Variants in MVD observed in about 807,000 individuals in gnomAD.
MVD encodes mevalonate diphosphate decarboxylase.
A neutral mutation model predicts 42.4 loss-of-function variants in MVD; 52 were observed. The ratio of observed to expected loss-of-function variants is 1.23; its 90% CI spans 0.98 to 1.55. The LOEUF (loss-of-function observed/expected upper bound fraction) is 1.55, where lower values mean the gene tolerates loss of function less well. Among genes scored for constraint, MVD ranks in the 40% most tolerant of loss-of-function variants. The probability of loss-of-function intolerance (pLI) is 0.00; values close to 1 mark genes in which losing one functional copy is unlikely to be tolerated. For missense variants in MVD, 663 were observed against 572.1 expected, an observed-to-expected ratio of 1.16 and a Z score of -1.62; for synonymous variants, 287 against 243.2, an observed-to-expected ratio of 1.18 and a Z score of -1.68.
intron 1 of MVD, among the ~76,000 whole-genome samples, chr16:88,659,532 G>A (rs1171593627): frequency 1.3e-5 from 2 of 152,220 alleles, no homozygotes; most frequent in Non-Finnish European, 2.9e-5. Flanking sequence ...ACGGGTGACA[G>A]AGGGCGGCTG....
rs1907828020 is a variant in MVD, at chr16:88,655,196, C to T, written c.897+3G>A. On this transcript the variant is annotated splice_donor_region_variant and intron_variant, in intron 7 of 9. Transcript: ENST00000301012. ...CAGCCTCTGCCCTCCCGGCCCGCGT[C>T]ACCTTGGTGTCCCCGTGGTGGGCGT... is the stretch of plus-strand genomic sequence containing the variant. The T allele has an allele frequency of 1.3e-6, 2 of 1,557,082 alleles. No individual in the cohort carries two copies. Among genetic ancestry groups the T allele is most frequent in the Non-Finnish European group, 8.7e-7 (1 of 1,150,454 alleles).
intron 4 of MVD, chr16:88,657,177 C>A: frequency 3.0e-6 from 2 of 658,556 alleles, no homozygotes; most frequent in Non-Finnish European, 5.6e-6. Flanking sequence ...GAACTCCTGG[C>A]CTACAGTGCT....
rs369063604 is a variant in MVD at position 88,655,358 on chromosome 16, C to T, written c.738G>A (p.Glu246=). 6.2e-7 allele frequency: 1 copy of T among 1,601,322 alleles called. No individual in the cohort carries two copies. Among genetic ancestry groups the T allele is most frequent in the African/African-American group, 1.3e-5 (1 of 74,710 alleles). The change falls in exon 7 of 10, where the codon GAG becomes GAA. Residue 246 remains glutamate (E), a synonymous_variant. Coordinates refer to ENST00000301012, the MANE Select transcript of MVD (RefSeq NM_002461.3). ...GCTGGGCGAAGCTGGGGAAGTCTCG[C>T]TCCCGGATGCAGCGGGCCATCTCCG... ...RMAEMARCIR[E]RDFPSFAQLT...
chr16:88,658,760 G>GCCCCCCCCCCC, intron 1 of MVD, 40 bp from the exon 2 acceptor site: 7 of 1,440,600 alleles, frequency 4.9e-6, no homozygotes, highest in South Asian at 3.6e-5. Flanking sequence ...GGGCTTCCCG[G>GCCCCCCCCCCC]CCCACCCTCC....
intron 1 of MVD, chr16:88,662,782 C>T (rs1278075068): frequency 6.8e-7 from 1 of 1,480,108 alleles, no homozygotes; most frequent in South Asian, 1.3e-5. Flanking sequence ...CCGGGCGACC[C>T]TGCAGGGGCG....
At chr16:88,660,640 G>A (rs1908232920) in intron 1 of MVD, 1 of 150,900 alleles carries the variant, frequency 6.6e-6, no homozygotes, top group Non-Finnish European at 1.5e-5. Flanking sequence ...GTGACAGTCT[G>A]TCTCAAAAAA....
In MVD at chr16:88,656,316, C is replaced by A; in HGVS notation, c.404-12G>T. The A allele has an allele frequency of 1.3e-6, 2 of 1,598,748 alleles. No individual in the cohort carries two copies. Among genetic ancestry groups the A allele is most frequent in the Non-Finnish European group, 1.7e-6 (2 of 1,179,790 alleles). ...GGCCAGGGTGTAGGCTGCAGGCATGCGGATTCAGGGAGGGTCCTCAGAGCT... is the reference window on the plus strand; with the variant it reads ...GGCCAGGGTGTAGGCTGCAGGCATGAGGATTCAGGGAGGGTCCTCAGAGCT... On this transcript the variant is annotated splice_polypyrimidine_tract_variant and intron_variant, in intron 4 of 9. Transcript: ENST00000301012.
rs1159481926 is a variant in MVD at position 88,652,376 on chromosome 16, C to G, written c.*149G>C. On this transcript the variant is annotated 3_prime_UTR_variant, in exon 10 of 10. Coordinates refer to ENST00000301012, the MANE Select transcript of MVD (RefSeq NM_002461.3). ...TGACACCTGGGCGGCCGCAGGACTC[C>G]CTGCACTGCCCCACAGCAAGCTGCC... 2 of 853,592 alleles carry G rather than the reference C, an allele frequency of 2.3e-6. No homozygotes were observed. Among genetic ancestry groups the G allele is most frequent in the East Asian group, 5.3e-5 (2 of 37,830 alleles). The allele number at this position is 853,592 out of a possible 1,614,324, so 52.9% of individuals were successfully genotyped here.
chr16:88,662,983 C>G (rs756243382), intron 1 of MVD, 28 bp downstream of exon 1: 1 of 1,585,146 alleles, frequency 6.3e-7, no homozygotes, highest in South Asian at 1.1e-5. Flanking sequence ...CCGGCCATCC[C>G]CGTCCCAGGC....
In MVD at chr16:88,663,087, A is replaced by G; in HGVS notation, c.-7T>C. 3.1e-6 allele frequency: 5 copies of G among 1,608,238 alleles called. No individual in the cohort carries two copies. The highest frequency in any genetic ancestry group is 4.2e-6 in the Non-Finnish European group (5 of 1,178,156). ...GCGGCTTCTCCGAGGCCATGGTCCC[A>G]CCGCGCAGTGACCCCAGCTCCACAG... On this transcript the variant is annotated 5_prime_UTR_variant, in exon 1 of 10. Transcript: ENST00000301012.
chr16:88,655,676 C>A lies in MVD; in HGVS notation c.658G>T (p.Glu220Ter). The A allele has an allele frequency of 3.9e-6, 6 of 1,557,086 alleles. No individual in the cohort carries two copies. The highest frequency in any genetic ancestry group is 5.2e-6 in the Non-Finnish European group (6 of 1,150,560). ...GSTVGMRASVETSPLLRFRAE... is the reference protein window; with the variant it reads ...GSTVGMRASV Reference sequence around the variant, plus strand: ...CTTACCCGAAGCAGGGGGCTGGTCTCCACACTGGCCCGCATGCCCACGGTA... The same window carrying A: ...CTTACCCGAAGCAGGGGGCTGGTCTACACACTGGCCCGCATGCCCACGGTA... Residue 220 changes from glutamate (E) to a stop codon, truncating the protein, a stop_gained, in exon 6 of 10, where the codon GAG becomes TAG. Transcript: ENST00000301012. LOFTEE classifies it high-confidence loss of function.
At chr16:88,652,721 C>G (rs2142889177) in intron 9 of MVD, 116 bp from the exon 10 acceptor site, 1 of 1,019,076 alleles carries the variant, frequency 9.8e-7, no homozygotes, top group Non-Finnish European at 1.4e-6. Context: ...TCCTGTGGGT[C>G]CTGGTCAGAA....
chr16:88,660,402 T>C (rs1597383089), intron 1 of MVD: 1 of 152,180 alleles, frequency 6.6e-6, no homozygotes. Flanking sequence ...CCCAGCACTT[T>C]GGGAGGCCGA....
intron 1 of MVD, 44 bp from the exon 2 acceptor site, chr16:88,658,764 AC>A: frequency 1.0e-6 from 1 of 1,002,740 alleles, no homozygotes. Flanking sequence ...TTCCCGGCCC[AC>A]CCTCCCCCAG....
intron 4 of MVD, chr16:88,657,181 C>T (rs977746371): frequency 6.0e-6 from 4 of 661,608 alleles, no homozygotes; most frequent in Admixed American, 2.1e-5. Flanking sequence ...TCCTGGCCTA[C>T]AGTGCTTCTC....
At chr16:88,662,676 G>A (rs1908383309) in intron 1 of MVD, 19 of 1,323,016 alleles carry the variant, frequency 1.4e-5, no homozygotes, top group Non-Finnish European at 1.8e-5. Context: ...CGAGTAGCTG[G>A]AGCCACAAAC....
chr16:88,658,921 G>C, intron 1 of MVD: 1 of 573,430 alleles, frequency 1.7e-6, no homozygotes, highest in Non-Finnish European at 3.2e-6. Context: ...GGCTCCCAGA[G>C]CAGAGCTGGA....
chr16:88,659,163 C>G (rs1908131201), intron 1 of MVD: 1 of 187,068 alleles, frequency 5.3e-6, no homozygotes, highest in Non-Finnish European at 1.2e-5. Context: ...TGAAATCAAA[C>G]TTCCAGAAAG....
intron 1 of MVD, among the ~76,000 whole-genome samples, chr16:88,661,081 A>AT (rs58831082): frequency 0.043 from 6,183 of 145,434 alleles, 349 homozygotes; most frequent in African/African-American, 0.13. Flanking sequence ...TGCCCAGCTG[A>AT]TTTTTTTTTT....
Sources: allele counts gnomAD v4.1 joint callset (sites outside exome capture counted in the v4.1 genomes callset), GRCh38; gene constraint gnomAD v4.1.1; transcripts MANE v1.5; gene names NCBI Gene and HGNC (gene_info 2026-07-23, HGNC 2026-07-21).